The following KATNAL2 variants were observed in gnomAD, a reference collection of about 807,000 sequenced individuals.
The protein encoded by KATNAL2 is katanin catalytic subunit A1 like 2.
In KATNAL2, 52 loss-of-function variants were observed where a neutral mutation model predicts 76.3. The ratio of observed to expected loss-of-function variants is 0.68; its 90% confidence interval spans 0.55 to 0.86. The LOEUF is 0.86. Ranked by LOEUF, KATNAL2 falls within the 40% of genes least tolerant of loss-of-function variation. The probability of loss-of-function intolerance (pLI) is 0.00; values close to 1 mark genes in which losing one functional copy is unlikely to be tolerated. For synonymous variants in KATNAL2, 243 were observed against 244.2 expected (o/e 1.00, Z 0.05); for missense variants, 660 against 668.9 (o/e 0.99, Z 0.15).
In KATNAL2 at chr18:47,047,858, G is replaced by A. The variant is rs371705534; in HGVS notation, c.122+1331G>A. Among the ~76,000 whole-genome samples the A allele has an allele frequency of 3.4e-4, 52 of 152,220 alleles. No homozygotes were observed. The East Asian group carries it at 7.9e-3, about 23-fold the overall frequency. ...TGAGTAGCTGGGACTACAGGCACAT[G>A]CCACCATGTCCAGCTAATATTTAAA... On this transcript the variant is annotated intron_variant, in intron 4 of 17. Transcript: ENST00000683218.
At chr18:47,045,977 C>G (rs1393048861) in intron 3 of KATNAL2, among the ~76,000 whole-genome samples, 1 of 152,142 alleles carries the variant, frequency 6.6e-6, no homozygotes, top group African/African-American at 2.4e-5. Context: ...TGCAGTCACC[C>G]CTGAATGGTT....
chr18:47,045,247 T>C (rs530979815), intron 3 of KATNAL2, among the ~76,000 whole-genome samples: 1 of 152,128 alleles, frequency 6.6e-6, no homozygotes, highest in Non-Finnish European at 1.5e-5. Flanking sequence ...CATTATAACA[T>C]TAATTTTTAG....
At chr18:47,039,841 C>A (rs904852721) in intron 3 of KATNAL2, among the ~76,000 whole-genome samples, 1 of 152,178 alleles carries the variant, frequency 6.6e-6, no homozygotes, top group African/African-American at 2.4e-5. Flanking sequence ...TGGCATAGCA[C>A]CCCCACAGTT....
intron 4 of KATNAL2, among the ~76,000 whole-genome samples, chr18:47,049,285 ACATGCTTAGAAT>A (rs1173295441): frequency 3.9e-5 from 6 of 152,218 alleles, no homozygotes; most frequent in Admixed American, 2.6e-4. Context: ...TAAATATGTA[ACATGCTTAGAAT>A]CATGCCTGAC....
At chr18:47,034,123 A>G in intron 3 of KATNAL2, 1 of 1,614,178 alleles carries the variant, frequency 6.2e-7, no homozygotes, top group African/African-American at 1.3e-5. Flanking sequence ...TTCACATGAC[A>G]GAGTGGGCTG....
At chr18:47,066,489 C>G (rs568427810) in intron 10 of KATNAL2, among the ~76,000 whole-genome samples, 282 of 152,086 alleles carry the variant, frequency 1.9e-3, no homozygotes, top group African/African-American at 6.5e-3. Context: ...AGGGAATGAT[C>G]GCTAGCGAAA....
intron 3 of KATNAL2, among the ~76,000 whole-genome samples, chr18:46,949,796 G>C (rs533746276): frequency 6.6e-6 from 1 of 152,156 alleles, no homozygotes; most frequent in African/African-American, 2.4e-5. Context: ...TCCACCTCCT[G>C]ATCTAAACCT....
chr18:47,073,552 A>C (rs1245006289), intron 13 of KATNAL2, among the ~76,000 whole-genome samples: 2 of 152,176 alleles, frequency 1.3e-5, no homozygotes, highest in African/African-American at 4.8e-5. Flanking sequence ...ACCCTTCAGG[A>C]CCTTCCCCTA....
chr18:47,032,196 G>C (rs576627872), intron 3 of KATNAL2, among the ~76,000 whole-genome samples: 1 of 152,376 alleles, frequency 6.6e-6, no homozygotes, highest in East Asian at 1.9e-4. Flanking sequence ...CTTAACGCAT[G>C]TACCAGTGAT....
chr18:47,079,386 C>A (rs894149011), intron 15 of KATNAL2, among the ~76,000 whole-genome samples: 1 of 151,704 alleles, frequency 6.6e-6, no homozygotes, highest in Non-Finnish European at 1.5e-5. Context: ...CTAGAACAGA[C>A]GGCCTCTTTT....
At chr18:46,931,683 A>C (rs1238017785) in intron 1 of KATNAL2, among the ~76,000 whole-genome samples, 3 of 150,296 alleles carry the variant, frequency 2.0e-5, no homozygotes, top group Non-Finnish European at 2.9e-5. Context: ...AGAGAAAGAA[A>C]GAAAGAGGAA....
chr18:47,064,881 G>C (rs541958778), intron 10 of KATNAL2, among the ~76,000 whole-genome samples: 1 of 152,132 alleles, frequency 6.6e-6, no homozygotes, highest in Non-Finnish European at 1.5e-5. Flanking sequence ...GATACAAGGA[G>C]AAACTGTCAG....
chr18:47,045,250 A>C (rs1444409486), intron 3 of KATNAL2, among the ~76,000 whole-genome samples: 1 of 151,942 alleles, frequency 6.6e-6, no homozygotes, highest in African/African-American at 2.4e-5. Context: ...TATAACATTA[A>C]TTTTTAGAAA....
intron 3 of KATNAL2, chr18:47,035,431 C>T (rs933479162): frequency 5.0e-6 from 7 of 1,411,670 alleles, no homozygotes; most frequent in African/African-American, 4.3e-5. Flanking sequence ...GAGCAGCAGG[C>T]CACTTGGTCT....
rs775864458 is a variant in KATNAL2 at position 47,100,856 on chromosome 18, C to G, written c.1478-10C>G. On this transcript the variant is annotated splice_polypyrimidine_tract_variant and intron_variant, in intron 17 of 17. Transcript: ENST00000683218. Reference sequence around the variant, plus strand: ...ATTGTTGTGCTGTTACTGTTGTGTTCTTATCCTAGAAAGCAGCGACTTACC... The same window carrying G: ...ATTGTTGTGCTGTTACTGTTGTGTTGTTATCCTAGAAAGCAGCGACTTACC... 6.2e-7 allele frequency: 1 copy of G among 1,614,064 alleles called. No homozygotes were observed. Among genetic ancestry groups the G allele is most frequent in the East Asian group, 2.2e-5 (1 of 44,874 alleles).
In KATNAL2 at chr18:47,031,945, G is replaced by A. The variant is rs536594235; in HGVS notation, c.52-14512G>A. On this transcript the variant is annotated intron_variant, in intron 3 of 17. Transcript: ENST00000683218. ...TTCCTTTGATTACCAGCCCGTGTGA[G>A]GCCAACAAATGCCCTGCTTTATAAT... 2.6e-5 allele frequency among the ~76,000 whole-genome samples: 4 copies of A among 152,250 alleles called. No homozygotes were observed. In the East Asian group the frequency reaches 5.8e-4, roughly 22 times the overall value.
chr18:47,071,615 C>T (rs1410122361), intron 13 of KATNAL2, among the ~76,000 whole-genome samples: 1 of 151,806 alleles, frequency 6.6e-6, no homozygotes, highest in Non-Finnish European at 1.5e-5. Flanking sequence ...GTGTTTGGAA[C>T]CACGAGCACA....
At chr18:47,060,623 T>C (rs140042539) in intron 8 of KATNAL2, among the ~76,000 whole-genome samples, 1 of 152,336 alleles carries the variant, frequency 6.6e-6, no homozygotes, top group African/African-American at 2.4e-5. Context: ...TTAAGCTTCT[T>C]CTTTCTTCAG....
chr18:47,081,000 T>C (rs1008341627), intron 15 of KATNAL2, among the ~76,000 whole-genome samples: 1 of 149,866 alleles, frequency 6.7e-6, no homozygotes, highest in Middle Eastern at 3.2e-3. Context: ...CCCTCCCTCC[T>C]TCCTTCCCTC....
Sources: gnomAD v4.1 joint callset for allele counts (sites outside exome capture counted in the v4.1 genomes callset) on GRCh38, gnomAD v4.1.1 for gene constraint, MANE v1.5 for transcripts, NCBI Gene and HGNC (gene_info 2026-07-23, HGNC 2026-07-21) for gene names.